KCNIP4: variants seen among roughly 807,000 people sequenced by gnomAD.
KCNIP4 encodes potassium voltage-gated channel interacting protein 4.
In KCNIP4, 12 loss-of-function variants were observed where a neutral mutation model predicts 34.0. That is an observed-to-expected ratio of 0.35 (90% CI 0.23 to 0.57). The LOEUF (loss-of-function observed/expected upper bound fraction) is 0.57. Among genes scored for constraint, KCNIP4 ranks in the 20% least tolerant of loss-of-function variants. KCNIP4 has a pLI of 0.83. For synonymous variants in KCNIP4, 124 were observed against 102.2 expected (o/e 1.21, Z -1.29); for missense variants, 238 against 311.7 (o/e 0.76, Z 1.78).
Position 21,583,697 on chromosome 4 carries a change from T to A in KCNIP4, c.61+364874A>T, listed in dbSNP as rs561855052. On this transcript the variant is annotated intron_variant, in intron 1 of 8. Coordinates refer to ENST00000382152, the MANE Select transcript of KCNIP4 (RefSeq NM_025221.6). ...TACCGAACAAAGCCCATTATAAAAA[T>A]GTTTTATTTCACCCATTTCTTCTGA... Among the ~76,000 whole-genome samples, 7 of 152,118 alleles carry A rather than the reference T, an allele frequency of 4.6e-5. No individual in the cohort carries two copies. In the East Asian group the frequency reaches 1.4e-3, roughly 29 times the overall value.
intron 3 of KCNIP4, among the ~76,000 whole-genome samples, chr4:20,845,553 G>A (rs1720265822): frequency 6.6e-6 from 1 of 152,172 alleles, no homozygotes; most frequent in South Asian, 2.1e-4. Context: ...TGAATAGACA[G>A]TCTTGTTGCT....
intron 1 of KCNIP4, among the ~76,000 whole-genome samples, chr4:21,221,004 G>T (rs1757944439): frequency 6.6e-6 from 1 of 152,110 alleles, no homozygotes; most frequent in Non-Finnish European, 1.5e-5. Flanking sequence ...CAGCAATAAA[G>T]AGCCCTCCAA....
At chr4:21,267,008 C>G (rs189708914) in intron 1 of KCNIP4, among the ~76,000 whole-genome samples, 11 of 152,242 alleles carry the variant, frequency 7.2e-5, no homozygotes, top group Admixed American at 4.6e-4. Context: ...GAGATGACAG[C>G]TGCTATAATG....
chr4:21,613,692 G>C (rs1744347497), intron 1 of KCNIP4: 1 of 152,148 alleles, frequency 6.6e-6, no homozygotes, highest in Admixed American at 6.5e-5. Flanking sequence ...ATGTTGTCCA[G>C]GTAGTACCAT....
rs186678196 is a variant in KCNIP4, at chr4:21,782,189, C to G, written c.61+166382G>C. ...GGAGTGAAAAAACACGACCTAACTA[C>G]AAGCTGTCTACAAGGAACTCACTTC... On this transcript the variant is annotated intron_variant, in intron 1 of 8. Transcript: ENST00000382152. Among the ~76,000 whole-genome samples, 371 of 152,224 alleles carry G rather than the reference C, an allele frequency of 2.4e-3. 2 individuals carry two copies. Among genetic ancestry groups the G allele is most frequent in the Admixed American group, 4.1e-3 (62 of 15,290 alleles).
intron 1 of KCNIP4, among the ~76,000 whole-genome samples, chr4:21,868,902 G>C (rs1375423216): frequency 6.6e-6 from 1 of 152,126 alleles, no homozygotes; most frequent in African/African-American, 2.4e-5. Context: ...GATAGCAAAA[G>C]GTGTTTATAA....
At chr4:21,675,452 G>A (rs956771584) in intron 1 of KCNIP4, among the ~76,000 whole-genome samples, 5 of 152,064 alleles carry the variant, frequency 3.3e-5, no homozygotes, top group Non-Finnish European at 5.9e-5. Flanking sequence ...AATGTAGCTG[G>A]ATTGTTTGTA....
At chr4:21,598,678 C>A (rs914782347) in intron 1 of KCNIP4, among the ~76,000 whole-genome samples, 1 of 151,808 alleles carries the variant, frequency 6.6e-6, no homozygotes, top group Non-Finnish European at 1.5e-5. Context: ...GACAGTGCTT[C>A]CCCCCAAAAA....
At chr4:20,849,395 G>C (rs769702315) in intron 3 of KCNIP4, among the ~76,000 whole-genome samples, 6 of 152,144 alleles carry the variant, frequency 3.9e-5, no homozygotes, top group Non-Finnish European at 7.4e-5. Flanking sequence ...GGAAACTTGT[G>C]TGCAATGCGC....
intron 1 of KCNIP4, among the ~76,000 whole-genome samples, chr4:21,218,643 G>GA (rs996868470): frequency 6.6e-6 from 1 of 152,116 alleles, no homozygotes; most frequent in African/African-American, 2.4e-5. Flanking sequence ...TATCTGCTCA[G>GA]AAAAAGGCAC....
At chr4:21,110,005 A>G (rs1749015288) in intron 1 of KCNIP4, among the ~76,000 whole-genome samples, 1 of 152,186 alleles carries the variant, frequency 6.6e-6, no homozygotes, top group Non-Finnish European at 1.5e-5. Flanking sequence ...GATGACACCA[A>G]GCCTTCTGAA....
intron 1 of KCNIP4, among the ~76,000 whole-genome samples, chr4:21,909,800 C>T (rs975368418): frequency 1.4e-4 from 21 of 151,978 alleles, no homozygotes; most frequent in African/African-American, 3.4e-4. Flanking sequence ...TCTTACATGG[C>T]GACAGGCAAA....
intron 1 of KCNIP4, among the ~76,000 whole-genome samples, chr4:21,349,246 G>GT (rs1233964093): frequency 6.6e-6 from 1 of 152,098 alleles, no homozygotes; most frequent in African/African-American, 2.4e-5. Flanking sequence ...CTAACATATT[G>GT]TAAGTGCTCA....
chr4:21,367,203 A>C (rs1167076520), intron 1 of KCNIP4, among the ~76,000 whole-genome samples: 1 of 152,186 alleles, frequency 6.6e-6, no homozygotes, highest in East Asian at 1.9e-4. Flanking sequence ...TTTACAAATT[A>C]CCCAGTCTCA....
intron 1 of KCNIP4, among the ~76,000 whole-genome samples, chr4:21,346,082 A>G (rs1343668655): frequency 1.6e-5 from 2 of 125,294 alleles, no homozygotes; most frequent in African/African-American, 3.0e-5. Context: ...ATATATATTT[A>G]AGATATTTAA....
In KCNIP4 at chr4:21,547,766, G is replaced by A. The variant is rs114114627; in HGVS notation, c.61+400805C>T. ...TTTGGATTTTGGAATATTTGCATAC[G>A]TATTTGCAGATAGAAGCTATTTTAT... is the stretch of plus-strand genomic sequence containing the variant. On this transcript the variant is annotated intron_variant, in intron 1 of 8. Transcript: ENST00000382152. 1.0e-3 allele frequency among the ~76,000 whole-genome samples: 153 copies of A among 152,150 alleles called. 3 individuals carry two copies. Among genetic ancestry groups the A allele is most frequent in the African/African-American group, 3.3e-3 (139 of 41,532 alleles).
chr4:20,916,146 T>C (rs1237502968), intron 1 of KCNIP4, among the ~76,000 whole-genome samples: 1 of 152,208 alleles, frequency 6.6e-6, no homozygotes, highest in Non-Finnish European at 1.5e-5. Flanking sequence ...CAAGTTACTT[T>C]GTGGTCATAC....
chr4:21,204,231 A>G (rs2108961467), intron 1 of KCNIP4, among the ~76,000 whole-genome samples: 1 of 152,138 alleles, frequency 6.6e-6, no homozygotes, highest in East Asian at 1.9e-4. Context: ...CAGTCCAATG[A>G]AAGGGGAAAG....
intron 1 of KCNIP4, among the ~76,000 whole-genome samples, chr4:21,400,361 G>A (rs1016635714): frequency 6.6e-6 from 1 of 152,014 alleles, no homozygotes; most frequent in African/African-American, 2.4e-5. Flanking sequence ...TCTGAAAAAG[G>A]TGGGAGTTGA....
Sources: allele counts gnomAD v4.1 joint callset (sites outside exome capture counted in the v4.1 genomes callset), GRCh38; gene constraint gnomAD v4.1.1; transcripts MANE v1.5; gene names NCBI Gene and HGNC (gene_info 2026-07-23, HGNC 2026-07-21).